The following MZT2B variants were observed in gnomAD, a reference collection of about 807,000 sequenced individuals.
The protein encoded by MZT2B is mitotic-spindle organizing protein 2B.
A neutral mutation model predicts 12.1 loss-of-function variants in MZT2B; 11 were observed. The ratio of observed to expected loss-of-function variants is 0.91; its 90% CI spans 0.57 to 1.50. MZT2B has a LOEUF of 1.50. MZT2B is among the 40% of genes most tolerant of loss of function. The pLI is 0.00. For synonymous variants in MZT2B, 85 were observed against 109.5 expected (o/e 0.78, Z 1.40); for missense variants, 209 against 227.7 (o/e 0.92, Z 0.53).
At chr2:130,193,888 C>G (rs1395884095), downstream of MZT2B, 1 of 1,614,120 alleles carries the variant, frequency 6.2e-7, no homozygotes, top group Non-Finnish European at 8.5e-7. Flanking sequence ...CCCCCCTGTA[C>G]AACATGCAGC....
In MZT2B at chr2:130,182,393, G is replaced by A. The variant is rs1192284836; in HGVS notation, c.111G>A (p.Glu37=). The A allele has an allele frequency of 3.2e-6, 5 of 1,561,632 alleles. No homozygotes were observed. Among genetic ancestry groups the A allele is most frequent in the Non-Finnish European group, 3.5e-6 (4 of 1,156,986 alleles). The stretch of plus-strand genomic sequence containing the variant: ...GGAAGAAGGTGCTGAGCACCGAGGA[G>A]ATGGAGCTGTACGAGCTGGCGCAGG... ...LRRKKVLSTE[E]MELYELAQAA... is the part of the protein sequence containing the mutation. Residue 37 remains glutamate (E), a synonymous_variant, in exon 1 of 3, where the codon GAG becomes GAA. Coordinates refer to ENST00000281871, the MANE Select transcript of MZT2B (RefSeq NM_025029.5).
At chr2:130,187,110 T>C (rs188999929) in intron 2 of MZT2B, among the ~76,000 whole-genome samples, 1 of 151,732 alleles carries the variant, frequency 6.6e-6, no homozygotes, top group African/African-American at 2.4e-5. Context: ...GAATAACTTA[T>C]GTACTGATTA....
At chr2:130,193,587 C>G (rs1424759386), downstream of MZT2B, among the ~76,000 whole-genome samples, 1 of 137,162 alleles carries the variant, frequency 7.3e-6, no homozygotes, top group Non-Finnish European at 1.5e-5. Flanking sequence ...CCAGCCTGGT[C>G]GACAGAGCAA....
the MZT2B span, among the ~76,000 whole-genome samples, chr2:130,202,141 C>T: frequency 0.018 from 2,778 of 151,738 alleles, 40 homozygotes; most frequent in Non-Finnish European, 0.029. Flanking sequence ...AATTGACTTG[C>T]AGTAAACAGT....
rs1689789727 is a variant in MZT2B at position 130,182,658 on chromosome 2, G to C, written c.202G>C (p.Ala68Pro). 3 of 1,550,804 alleles carry C rather than the reference G, an allele frequency of 1.9e-6. No individual in the cohort carries two copies. Among genetic ancestry groups the C allele is most frequent in the Non-Finnish European group, 2.6e-6 (3 of 1,148,472 alleles). The change falls in exon 2 of 3, where the codon GCC becomes CCC. Residue 68 changes from alanine (A) to proline (P), a missense_variant. Transcript: ENST00000281871. ...ILVDLLKLNV[A>P]PLAVFQMLKS... is the part of the protein sequence containing the mutation. ...GGTGGACCTGCTGAAGCTGAACGTG[G>C]CCCCCCTCGCCGTCTTCCAGATGCT...
In MZT2B at chr2:130,182,373, A is replaced by T. The variant is rs1191293965; in HGVS notation, c.91A>T (p.Lys31Ter). The T allele has an allele frequency of 6.5e-7, 1 of 1,547,108 alleles. No homozygotes were observed. Among genetic ancestry groups the T allele is most frequent in the Non-Finnish European group, 8.7e-7 (1 of 1,150,626 alleles). Residue 31 changes from lysine to a stop codon, truncating the protein, a stop_gained, in exon 1 of 3, where the codon AAG becomes TAG. Transcript: ENST00000281871. LOFTEE classifies it high-confidence loss of function. ...GCAGAAGCTGGCGCTGCGGCGGAAGAAGGTGCTGAGCACCGAGGAGATGGA... is the reference window on the plus strand; with the variant it reads ...GCAGAAGCTGGCGCTGCGGCGGAAGTAGGTGCTGAGCACCGAGGAGATGGA... ...ARQKLALRRK[K>*]VLSTEEMELY...
chr2:130,202,282 A>G, the MZT2B span: 80 of 1,280,098 alleles, frequency 6.2e-5, no homozygotes, highest in Non-Finnish European at 8.0e-5. Flanking sequence ...TGCTACACAG[A>G]AAGGAACACA....
At chr2:130,197,375 T>C in the MZT2B span, among the ~76,000 whole-genome samples, 21 of 73,118 alleles carry the variant, frequency 2.9e-4, no homozygotes, top group East Asian at 5.0e-4. Flanking sequence ...TAGTACCAGC[T>C]ACTCGGAAGG....
chr2:130,185,864 G>A (rs1690040692), intron 2 of MZT2B, among the ~76,000 whole-genome samples: 1 of 152,152 alleles, frequency 6.6e-6, no homozygotes, highest in Admixed American at 6.5e-5. Flanking sequence ...GTTCCTTGAG[G>A]GCTCTGTCCT....
At chr2:130,186,247 C>A (rs1349358131) in intron 2 of MZT2B, among the ~76,000 whole-genome samples, 1 of 152,094 alleles carries the variant, frequency 6.6e-6, no homozygotes, top group African/African-American at 2.4e-5. Flanking sequence ...CTCAAGCTTG[C>A]CTCTGAGCTG....
At chr2:130,195,445 G>T (rs13007812), downstream of MZT2B, among the ~76,000 whole-genome samples, 1 of 152,216 alleles carries the variant, frequency 6.6e-6, no homozygotes, top group South Asian at 2.1e-4. Flanking sequence ...CTCAGCTTGT[G>T]GTATAAATGT....
downstream of MZT2B, chr2:130,194,348 G>GACTTCTTGGATT: frequency 6.2e-7 from 1 of 1,613,322 alleles, no homozygotes; most frequent in Non-Finnish European, 8.5e-7. Flanking sequence ...CTCTAGCTTG[G>GACTTCTTGGATT]ACTTCTTGCT....
intron 2 of MZT2B, chr2:130,185,019 GC>G: frequency 2.2e-6 from 1 of 463,304 alleles, no homozygotes; most frequent in Non-Finnish European, 2.8e-6. Flanking sequence ...ACAAAAACTA[GC>G]CAGGCAGGGC....
downstream of MZT2B, among the ~76,000 whole-genome samples, chr2:130,192,594 G>A (rs1690293484): frequency 6.6e-6 from 1 of 152,202 alleles, no homozygotes; most frequent in Non-Finnish European, 1.5e-5. Context: ...AGCAGATCAT[G>A]GGTCAAGAGT....
At chr2:130,198,387 G>A in the MZT2B span, 12 of 1,356,524 alleles carry the variant, frequency 8.8e-6, 3 homozygotes, top group East Asian at 5.5e-5. Context: ...TCAGCCCAAC[G>A]CTACTTCCAG....
the MZT2B span, among the ~76,000 whole-genome samples, chr2:130,203,400 T>A: frequency 6.6e-6 from 1 of 152,032 alleles, no homozygotes; most frequent in Non-Finnish European, 1.5e-5. Context: ...TTGCTCCAGG[T>A]CTCGTCACTT....
In MZT2B at chr2:130,182,329, C is replaced by A. The variant is rs746845252; in HGVS notation, c.47C>A (p.Pro16Gln). 5 of 1,523,262 alleles carry A rather than the reference C, an allele frequency of 3.3e-6. No homozygotes were observed. In the East Asian group the frequency reaches 1.3e-4, roughly 39 times the overall value. The allele number at this position is 1,523,262 out of a possible 1,614,324, so 94.4% of individuals were successfully genotyped here. The change falls in exon 1 of 3, where the codon CCG (proline) becomes CAG (glutamine). Residue 16 changes from proline to glutamine, a missense_variant. Coordinates refer to ENST00000281871, the MANE Select transcript of MZT2B (RefSeq NM_025029.5). ...CCTGGGCCGGGGTCGGCGGCGCCCC[C>A]GGGGCTGGAGGCGGCCCGGCAGAAG... ...VGPGPGSAAP[P>Q]GLEAARQKLA...
chr2:130,184,377 C>T, intron 2 of MZT2B: 1 of 985,460 alleles, frequency 1.0e-6, no homozygotes, highest in Non-Finnish European at 1.2e-6. Flanking sequence ...CAGAGACTCC[C>T]ACCTTCCCAG....
At chr2:130,204,141 C>T in the MZT2B span, 4 of 1,262,140 alleles carry the variant, frequency 3.2e-6, no homozygotes, top group Non-Finnish European at 4.2e-6. Context: ...GTTAAGCAAA[C>T]ATAAAACATC....
Sources: gnomAD v4.1 joint callset for allele counts (sites outside exome capture counted in the v4.1 genomes callset) on GRCh38, gnomAD v4.1.1 for gene constraint, MANE v1.5 for transcripts, NCBI Gene and HGNC (gene_info 2026-07-23, HGNC 2026-07-21) for gene names.